The following PRDM16 variants were observed in gnomAD, a reference collection of about 807,000 sequenced individuals.
PRDM16 encodes histone-lysine N-methyltransferase PRDM16.
Under a neutral mutation model 110.6 loss-of-function variants are expected in PRDM16, and 23 were observed. The observed-to-expected ratio is 0.21, with a 90% CI of 0.15 to 0.29. PRDM16 has a LOEUF of 0.29. PRDM16 is among the 10% of genes least tolerant of loss of function. The pLI is 1.00. For synonymous variants in PRDM16, 799 were observed against 781.8 expected (o/e 1.02, Z -0.37); for missense variants, 1,615 against 1,794.3 (o/e 0.90, Z 1.81).
intron 4 of PRDM16, among the ~76,000 whole-genome samples, chr1:3,392,089 G>A (rs1169586273): frequency 6.6e-6 from 1 of 152,252 alleles, no homozygotes; most frequent in African/African-American, 2.4e-5. Context: ...TGCAGGGGAC[G>A]ATCCTCAGCC....
chr1:3,122,820 T>C (rs1643122451), intron 1 of PRDM16, among the ~76,000 whole-genome samples: 1 of 152,164 alleles, frequency 6.6e-6, no homozygotes, highest in Non-Finnish European at 1.5e-5. Flanking sequence ...TTTGAACAGG[T>C]TGAATCTTCC....
chr1:3,404,769 G>A lies in PRDM16; in HGVS notation c.915G>A (p.Glu305=), dbSNP rs1396871764. ...AGCAGCACATGGTCATCCACACGGA[G>A]GAGCGCGAGTACAAATGCGACCAGT... ...SLEQHMVIHT[E]EREYKCDQCP... is the part of the protein sequence containing the mutation. Residue 305 remains glutamate, a synonymous_variant, in exon 7 of 17, where the codon GAG becomes GAA. Transcript: ENST00000270722. The A allele has an allele frequency of 6.2e-7, 1 of 1,613,484 alleles. No individual in the cohort carries two copies. The highest frequency in any genetic ancestry group is 1.3e-5 in the African/African-American group (1 of 74,934).
At chr1:3,110,532 A>G (rs113461461) in intron 1 of PRDM16, among the ~76,000 whole-genome samples, 108 of 55,234 alleles carry the variant, frequency 2.0e-3, no homozygotes, top group Middle Eastern at 0.017. Context: ...CACAGTGCTC[A>G]GGGGCTCCCC....
At chr1:3,372,692 C>T (rs139173191) in intron 3 of PRDM16, among the ~76,000 whole-genome samples, 34 of 152,384 alleles carry the variant, frequency 2.2e-4, no homozygotes, top group African/African-American at 7.0e-4. Flanking sequence ...GAGCCTCCTC[C>T]TGCTCTTGAC....
At chr1:3,160,310 A>G (rs1048738610) in intron 1 of PRDM16, among the ~76,000 whole-genome samples, 1 of 152,088 alleles carries the variant, frequency 6.6e-6, no homozygotes, top group African/African-American at 2.4e-5. Flanking sequence ...CGCCTCCAGT[A>G]TGACCACCTG....
At chr1:3,180,996 G>T (rs530769177) in intron 1 of PRDM16, among the ~76,000 whole-genome samples, 4 of 139,282 alleles carry the variant, frequency 2.9e-5, no homozygotes, top group Non-Finnish European at 4.7e-5. Flanking sequence ...TCTTACACAC[G>T]ATCTTACACG....
intron 3 of PRDM16, among the ~76,000 whole-genome samples, chr1:3,263,683 T>C (rs1640221351): frequency 6.6e-6 from 1 of 152,212 alleles, no homozygotes; most frequent in Non-Finnish European, 1.5e-5. Context: ...CTGACTGGGC[T>C]CCTCCAGGCC....
In PRDM16 at chr1:3,201,289, A is replaced by T. The variant is rs1046853885; in HGVS notation, c.387+14815A>T. ...TCTTGCCTCTAAAATTCGCTTTGTCATGGGATTTAAAATTACTTCAATTGC... is the reference window on the plus strand; with the variant it reads ...TCTTGCCTCTAAAATTCGCTTTGTCTTGGGATTTAAAATTACTTCAATTGC... On this transcript the variant is annotated intron_variant, in intron 2 of 16. Transcript: ENST00000270722. The surrounding 1 kb of genome is among the most constrained non-coding windows in gnomAD (Gnocchi z 4.1). 1.8e-5 allele frequency among the ~76,000 whole-genome samples: 2 copies of T among 109,954 alleles called. No homozygotes were observed. The highest frequency in any genetic ancestry group is 3.9e-5 in the Non-Finnish European group (2 of 51,728). The allele number at this position is 109,954 out of a possible 152,430, so 72.1% of individuals were successfully genotyped here.
At chr1:3,391,953 G>C (rs1643307856) in intron 4 of PRDM16, among the ~76,000 whole-genome samples, 1 of 152,224 alleles carries the variant, frequency 6.6e-6, no homozygotes, top group Non-Finnish European at 1.5e-5. Flanking sequence ...CTCAGCTCCT[G>C]GGCCGGCCTC....
intron 1 of PRDM16, among the ~76,000 whole-genome samples, chr1:3,084,873 T>C (rs1642114743): frequency 6.6e-6 from 1 of 152,130 alleles, no homozygotes; most frequent in South Asian, 2.1e-4. Context: ...AGCTCTCGGG[T>C]GCACACCTGG....
intron 3 of PRDM16, among the ~76,000 whole-genome samples, chr1:3,280,498 C>A (rs1278628636): frequency 6.6e-6 from 1 of 152,230 alleles, no homozygotes; most frequent in Non-Finnish European, 1.5e-5. Flanking sequence ...GCCAGAGTTT[C>A]ATGTGCGGAG....
At chr1:3,398,917 C>T (rs1643425867) in intron 5 of PRDM16, among the ~76,000 whole-genome samples, 1 of 152,208 alleles carries the variant, frequency 6.6e-6, no homozygotes, top group African/African-American at 2.4e-5. Flanking sequence ...ACACAGGAGA[C>T]CCTTGGGGGC....
At chr1:3,344,323 C>G (rs1642324567) in intron 3 of PRDM16, among the ~76,000 whole-genome samples, 1 of 152,088 alleles carries the variant, frequency 6.6e-6, no homozygotes, top group Non-Finnish European at 1.5e-5. Context: ...AAAAAAAAAA[C>G]TAAGCCTATC....
intron 4 of PRDM16, among the ~76,000 whole-genome samples, chr1:3,394,781 C>T (rs538404940): frequency 6.6e-6 from 1 of 152,264 alleles, no homozygotes; most frequent in African/African-American, 2.4e-5. Flanking sequence ...CACTTTGGGC[C>T]CGATTTTCTA....
At chr1:3,287,374 C>T (rs1474877496) in intron 3 of PRDM16, among the ~76,000 whole-genome samples, 2 of 92,642 alleles carry the variant, frequency 2.2e-5, no homozygotes, top group Non-Finnish European at 4.5e-5. Context: ...CCCCGCCACG[C>T]GGGCATCCAG....
chr1:3,147,408 C>G (rs1280494053), intron 1 of PRDM16, among the ~76,000 whole-genome samples: 2 of 152,116 alleles, frequency 1.3e-5, no homozygotes, highest in African/African-American at 4.8e-5. Flanking sequence ...CAGACATCCA[C>G]AGGGAGACTG....
chr1:3,204,783 G>A (rs554555188), intron 2 of PRDM16, among the ~76,000 whole-genome samples: 20 of 152,230 alleles, frequency 1.3e-4, no homozygotes, highest in African/African-American at 4.8e-4. Context: ...ACCCTTGAAG[G>A]CCCTTGGGAG....
chr1:3,278,632 C>G (rs1640642475), intron 3 of PRDM16, among the ~76,000 whole-genome samples: 1 of 152,194 alleles, frequency 6.6e-6, no homozygotes, highest in South Asian at 2.1e-4. Flanking sequence ...TGCAGTCAGC[C>G]AGGACACCCG....
chr1:3,085,813 C>T (rs1642136776), intron 1 of PRDM16, among the ~76,000 whole-genome samples: 1 of 152,242 alleles, frequency 6.6e-6, no homozygotes, highest in Non-Finnish European at 1.5e-5. Flanking sequence ...GCCAGGACTG[C>T]CTCCTACCAG....
Sources: allele counts gnomAD v4.1 joint callset (sites outside exome capture counted in the v4.1 genomes callset), GRCh38; gene constraint gnomAD v4.1.1; non-coding constraint Gnocchi (gnomAD v3.1); transcripts MANE v1.5; gene names NCBI Gene and HGNC (gene_info 2026-07-23, HGNC 2026-07-21).